Variants in INTS6 observed in about 807,000 individuals in gnomAD.
The protein encoded by INTS6 is DEAD box protein.
Under a neutral mutation model 104.9 loss-of-function variants are expected in INTS6, and 16 were observed. The ratio of observed to expected loss-of-function variants is 0.15; its 90% CI spans 0.10 to 0.23. The LOEUF (loss-of-function observed/expected upper bound fraction) is 0.23, where lower values mean the gene tolerates loss of function less well. Among genes scored for constraint, INTS6 ranks in the 10% least tolerant of loss-of-function variants. INTS6 has a pLI of 1.00. For missense variants in INTS6, 584 were observed against 1,062.8 expected, an observed-to-expected ratio of 0.55 and a Z score of 6.26; for synonymous variants, 324 against 358.7, an observed-to-expected ratio of 0.90 and a Z score of 1.09.
At chr13:51,411,675 G>T (rs1360306334) in intron 4 of INTS6, among the ~76,000 whole-genome samples, 2 of 152,176 alleles carry the variant, frequency 1.3e-5, no homozygotes, top group East Asian at 3.8e-4. Context: ...AAATTCAAGT[G>T]TTGGAAAGAC....
intron 4 of INTS6, among the ~76,000 whole-genome samples, chr13:51,409,401 C>G (rs1202680025): frequency 1.3e-5 from 2 of 151,364 alleles, no homozygotes; most frequent in African/African-American, 2.4e-5. Flanking sequence ...CAATTACAAA[C>G]TACCAGCCAA....
chr13:51,450,800 T>A lies in INTS6; in HGVS notation c.339+225A>T, dbSNP rs2277445. The A allele has an allele frequency of 0.63, 731,360 of 1,160,594 alleles. 233,853 individuals are homozygous for A. The highest frequency in any genetic ancestry group is 0.9 in the African/African-American group (56,435 of 62,896). 71.9% of individuals were successfully genotyped at this position (1,160,594 alleles called of 1,614,324 possible). A position where few individuals can be genotyped will look rare whatever the true frequency, so the allele number is the denominator to read the frequency against. ...ATGTATGTCAACTTTATAGCAAAAG[T>A]TTCAGATTCTAATCCTGAATACCAA... On this transcript the variant is annotated intron_variant, in intron 3 of 17. Coordinates refer to ENST00000311234, the MANE Select transcript of INTS6 (RefSeq NM_012141.3).
downstream of INTS6, among the ~76,000 whole-genome samples, chr13:51,360,316 G>T (rs1955552353): frequency 6.6e-6 from 1 of 151,934 alleles, no homozygotes; most frequent in Non-Finnish European, 1.5e-5. Flanking sequence ...GGCAGTGTTT[G>T]AATGGAGGAG....
At position 51,453,006 on chromosome 13, in the gene INTS6, C is replaced by G; in HGVS notation, c.-481G>C. Reference sequence around the variant, plus strand: ...CTCCCTCCGCACCCCGGCGGTGTCACCACTTTCTCAGCCCCTCTCGCTACT... The same window carrying G: ...CTCCCTCCGCACCCCGGCGGTGTCAGCACTTTCTCAGCCCCTCTCGCTACT... On this transcript the variant is annotated 5_prime_UTR_variant, in exon 1 of 18. Transcript: ENST00000311234. The G allele has an allele frequency of 9.9e-7, 1 of 1,012,738 alleles. No homozygotes were observed. Among genetic ancestry groups the G allele is most frequent in the Non-Finnish European group, 1.2e-6 (1 of 846,734 alleles). The allele number at this position is 1,012,738 out of a possible 1,614,324, so 62.7% of individuals were successfully genotyped here.
chr13:51,427,994 T>C (rs2138090293), intron 4 of INTS6, among the ~76,000 whole-genome samples: 1 of 152,312 alleles, frequency 6.6e-6, no homozygotes, highest in South Asian at 2.1e-4. Flanking sequence ...TATTTCAAGA[T>C]ATTTTTAAGC....
At chr13:51,382,196 T>C (rs913521123) in intron 9 of INTS6, 73 bp from the exon 10 acceptor site, 2 of 847,494 alleles carry the variant, frequency 2.4e-6, no homozygotes, top group African/African-American at 3.5e-5. Flanking sequence ...CAAAGACGTT[T>C]CCTTTTTAAA....
intron 4 of INTS6, among the ~76,000 whole-genome samples, chr13:51,406,183 AC>A (rs1956561245): frequency 6.6e-6 from 1 of 151,994 alleles, no homozygotes; most frequent in Non-Finnish European, 1.5e-5. Context: ...TATAGTCTCA[AC>A]CCCCAACCCT....
chr13:51,437,484 C>T (rs1952712771), intron 3 of INTS6: 2 of 152,050 alleles, frequency 1.3e-5, no homozygotes, highest in Admixed American at 1.3e-4. Context: ...ACACACACAA[C>T]TGTCCTACAA....
At chr13:51,380,985 C>T (rs917573201) in intron 10 of INTS6, among the ~76,000 whole-genome samples, 6 of 152,128 alleles carry the variant, frequency 3.9e-5, no homozygotes, top group Admixed American at 2.0e-4. Context: ...TGAATTCAAT[C>T]AACCACAGAC....
chr13:51,428,516 A>G (rs982651858), intron 4 of INTS6, among the ~76,000 whole-genome samples: 9 of 151,692 alleles, frequency 5.9e-5, no homozygotes, highest in African/African-American at 2.2e-4. Context: ...TGGTAGAGAC[A>G]GGGTTTCACC....
intron 4 of INTS6, among the ~76,000 whole-genome samples, chr13:51,398,843 C>T (rs1956385866): frequency 1.3e-5 from 2 of 152,054 alleles, no homozygotes; most frequent in Admixed American, 6.6e-5. Context: ...TGTTCACACA[C>T]CACATCTGAA....
chr13:51,395,224 T>C (rs1956314030), intron 5 of INTS6, 76 bp downstream of exon 5: 1 of 1,374,246 alleles, frequency 7.3e-7, no homozygotes, highest in Admixed American at 2.4e-5. Flanking sequence ...AACATGGAGC[T>C]TTTGAATGTA....
chr13:51,356,918 T>C (rs1955489708), downstream of INTS6, among the ~76,000 whole-genome samples: 1 of 152,142 alleles, frequency 6.6e-6, no homozygotes. Flanking sequence ...CATTCACATT[T>C]CCTACTGACA....
At chr13:51,379,840 A>T (rs1956011399) in intron 10 of INTS6, among the ~76,000 whole-genome samples, 1 of 152,084 alleles carries the variant, frequency 6.6e-6, no homozygotes, top group Non-Finnish European at 1.5e-5. Flanking sequence ...ACTGGGAGAA[A>T]CTAGGTTTGG....
downstream of INTS6, among the ~76,000 whole-genome samples, chr13:51,359,364 G>C (rs879371577): frequency 6.6e-6 from 1 of 152,094 alleles, no homozygotes; most frequent in Admixed American, 6.6e-5. Context: ...TTGGTCTTTT[G>C]AAATGTCAAC....
chr13:51,399,721 T>C (rs1039661334), intron 4 of INTS6, among the ~76,000 whole-genome samples: 4 of 118,272 alleles, frequency 3.4e-5, no homozygotes, highest in South Asian at 3.3e-4. Context: ...TGTGTGTGTG[T>C]GCGTGTGTGT....
downstream of INTS6, among the ~76,000 whole-genome samples, chr13:51,358,333 A>T (rs1461493301): frequency 1.3e-5 from 2 of 152,186 alleles, no homozygotes; most frequent in African/African-American, 4.8e-5. Flanking sequence ...ATCCTGATTT[A>T]TGAGAAGCTG....
chr13:51,452,773 G>C lies in INTS6; in HGVS notation c.-248C>G. ...CTCCTCCTGCCTGCCTGCCCGCTGG[G>C]GCGGGCGCCCAGCCGTCTGTCTGTC... On this transcript the variant is annotated 5_prime_UTR_variant, in exon 1 of 18. Coordinates refer to ENST00000311234, the MANE Select transcript of INTS6 (RefSeq NM_012141.3). The surrounding 1 kb of genome is among the most constrained non-coding windows in gnomAD (Gnocchi z 4.2). 1.6e-6 allele frequency: 2 copies of C among 1,216,602 alleles called. No homozygotes were observed. The highest frequency in any genetic ancestry group is 2.1e-6 in the Non-Finnish European group (2 of 971,460). 75.4% of individuals were successfully genotyped at this position (1,216,602 alleles called of 1,614,324 possible).
chr13:51,367,532 C>A (rs1955716163), intron 17 of INTS6, among the ~76,000 whole-genome samples: 1 of 151,904 alleles, frequency 6.6e-6, no homozygotes, highest in Non-Finnish European at 1.5e-5. Flanking sequence ...GTAAAGATAT[C>A]AAAAAGCTAC....
Sources: allele counts gnomAD v4.1 joint callset (sites outside exome capture counted in the v4.1 genomes callset), GRCh38; gene constraint gnomAD v4.1.1; non-coding constraint Gnocchi (gnomAD v3.1); transcripts MANE v1.5; gene names NCBI Gene and HGNC (gene_info 2026-07-23, HGNC 2026-07-21).